MED12L: variants seen among roughly 807,000 people sequenced by gnomAD.
MED12L encodes the protein mediator of RNA polymerase II transcription subunit 12-like protein.
Under a neutral mutation model 281.3 loss-of-function variants are expected in MED12L, and 60 were observed. The observed-to-expected ratio is 0.21, with a 90% CI of 0.17 to 0.26. The LOEUF is 0.26. Among genes scored for constraint, MED12L ranks in the 10% least tolerant of loss-of-function variants. The probability of loss-of-function intolerance (pLI) is 1.00; values close to 1 mark genes in which losing one functional copy is unlikely to be tolerated. For missense variants in MED12L, 2,146 were observed against 2,680.9 expected (o/e 0.80, Z 4.41); for synonymous variants, 974 against 987.2 (o/e 0.99, Z 0.25).
In MED12L at chr3:151,188,381, G is replaced by T; in HGVS notation, c.1654G>T (p.Glu552Ter). ...ATGTGGTGAATCAGAAGTCTTAGAT[G>T]AGAAGGAGTCTATTTCTTCATCCTC... ...ERCGESEVLD[E>*]KESISSSSLA... The change falls in exon 13 of 45, where the codon GAG becomes TAG. Residue 552 changes from glutamate to a stop codon, truncating the protein, a stop_gained. Transcript: ENST00000687756. LOFTEE classifies it high-confidence loss of function. The T allele has an allele frequency of 6.2e-7, 1 of 1,608,438 alleles. No homozygotes were observed. Among genetic ancestry groups the T allele is most frequent in the South Asian group, 1.1e-5 (1 of 90,912 alleles).
intron 28 of MED12L, 108 bp downstream of exon 28, chr3:151,376,322 T>G (rs1364547917): frequency 1.1e-5 from 10 of 886,068 alleles, no homozygotes; most frequent in African/African-American, 1.8e-5. Flanking sequence ...ATTTCAATTC[T>G]GATTTTTATT....
chr3:151,374,292 A>G (rs1482035423), intron 27 of MED12L, among the ~76,000 whole-genome samples: 2 of 152,240 alleles, frequency 1.3e-5, no homozygotes, highest in Non-Finnish European at 2.9e-5. Context: ...TCAAGCCTGT[A>G]ATCCCAGCAC....
chr3:151,357,483 G>A (rs2150060793), intron 20 of MED12L, 107 bp downstream of exon 20: 4 of 973,772 alleles, frequency 4.1e-6, no homozygotes, highest in Non-Finnish European at 5.8e-6. Flanking sequence ...ACCTGTTTTA[G>A]TTAAAACATG....
chr3:151,107,397 T>C (rs78255944), intron 2 of MED12L, among the ~76,000 whole-genome samples: 1 of 152,274 alleles, frequency 6.6e-6, no homozygotes, highest in East Asian at 1.9e-4. Flanking sequence ...AAGCCACTGT[T>C]ATGTGCTTTC....
At chr3:151,149,870 A>G (rs1327446677) in intron 5 of MED12L, among the ~76,000 whole-genome samples, 1 of 152,186 alleles carries the variant, frequency 6.6e-6, no homozygotes, top group African/African-American at 2.4e-5. Context: ...GCAACTCTTC[A>G]TGCTTAATTT....
chr3:151,251,530 A>G (rs959343428), intron 16 of MED12L, among the ~76,000 whole-genome samples: 7 of 152,154 alleles, frequency 4.6e-5, no homozygotes, highest in African/African-American at 1.7e-4. Context: ...CTAAAATACA[A>G]GCAGCACTGT....
intron 11 of MED12L, among the ~76,000 whole-genome samples, chr3:151,177,393 A>G (rs912870738): frequency 1.7e-4 from 26 of 152,216 alleles, no homozygotes; most frequent in African/African-American, 6.3e-4. Context: ...TTCTGTGCCC[A>G]TGACCATCTT....
chr3:151,335,313 CT>C (rs1362693919), intron 16 of MED12L, among the ~76,000 whole-genome samples: 4 of 152,176 alleles, frequency 2.6e-5, no homozygotes, highest in African/African-American at 4.8e-5. Context: ...TCATTCTACT[CT>C]CATAAATATG....
rs571048087 is a variant in MED12L at position 151,267,826 on chromosome 3, C to T, written c.2250+74160C>T. Among the ~76,000 whole-genome samples the T allele has an allele frequency of 9.8e-4, 149 of 152,230 alleles. 2 individuals are homozygous for T. The Middle Eastern group carries it at 0.02, about 21-fold the overall frequency. On this transcript the variant is annotated intron_variant, in intron 16 of 44. Transcript: ENST00000687756. ...AAAGGAACCTTGCTAAAACATGGAG[C>T]ATGTTTTGGCTGAATAATATCAAGG...
intron 16 of MED12L, among the ~76,000 whole-genome samples, chr3:151,240,049 T>TTG (rs1553754052): frequency 2.6e-5 from 4 of 151,518 alleles, no homozygotes; most frequent in South Asian, 2.1e-4. Flanking sequence ...TTTTTTTTTT[T>TTG]TGTGTGTGTG....
chr3:151,309,448 G>A (rs372887004), intron 16 of MED12L, among the ~76,000 whole-genome samples: 1 of 152,156 alleles, frequency 6.6e-6, no homozygotes, highest in African/African-American at 2.4e-5. Flanking sequence ...TACAACTCAG[G>A]CTCCTCTGCA....
chr3:151,323,520 A>G (rs958440367), intron 16 of MED12L, among the ~76,000 whole-genome samples: 2 of 152,208 alleles, frequency 1.3e-5, no homozygotes, highest in Admixed American at 6.5e-5. Flanking sequence ...ACCACAGCAC[A>G]GTTCCACCCC....
chr3:151,264,074 C>G (rs769494017), intron 16 of MED12L, among the ~76,000 whole-genome samples: 3 of 152,174 alleles, frequency 2.0e-5, no homozygotes, highest in Admixed American at 6.5e-5. Context: ...TTGAGTAGTT[C>G]TACTTCATTT....
intron 11 of MED12L, among the ~76,000 whole-genome samples, chr3:151,167,091 CT>C (rs1166374307): frequency 6.6e-6 from 1 of 152,138 alleles, no homozygotes; most frequent in African/African-American, 2.4e-5. Flanking sequence ...TTAAAAAAAT[CT>C]TTTTAGCAAC....
chr3:151,093,023 G>A (rs921272580), intron 2 of MED12L, among the ~76,000 whole-genome samples: 1 of 152,202 alleles, frequency 6.6e-6, no homozygotes, highest in Non-Finnish European at 1.5e-5. Context: ...CTCTGCAGCC[G>A]AATGTGAAAG....
intron 41 of MED12L, among the ~76,000 whole-genome samples, chr3:151,412,742 GCT>G: frequency 6.6e-6 from 1 of 152,192 alleles, no homozygotes; most frequent in South Asian, 2.1e-4. Flanking sequence ...GTTACCTCTA[GCT>G]CTGTTTTTTC....
chr3:151,398,989 A>G (rs1207414044), intron 39 of MED12L, among the ~76,000 whole-genome samples: 3 of 149,834 alleles, frequency 2.0e-5, no homozygotes, highest in Admixed American at 6.7e-5. Flanking sequence ...TTCGGACTGC[A>G]GTTTTCTGCA....
intron 16 of MED12L, among the ~76,000 whole-genome samples, chr3:151,270,338 C>T (rs1457169357): frequency 6.6e-6 from 1 of 151,628 alleles, no homozygotes; most frequent in Non-Finnish European, 1.5e-5. Context: ...GAGCAGAATA[C>T]AATGGGAAAA....
chr3:151,315,268 A>T (rs1748081993), intron 16 of MED12L, among the ~76,000 whole-genome samples: 1 of 152,200 alleles, frequency 6.6e-6, no homozygotes, highest in Non-Finnish European at 1.5e-5. Flanking sequence ...AAATGCCAAG[A>T]TATTAAGGAA....
Sources: allele counts gnomAD v4.1 joint callset (sites outside exome capture counted in the v4.1 genomes callset), GRCh38; gene constraint gnomAD v4.1.1; transcripts MANE v1.5; gene names NCBI Gene and HGNC (gene_info 2026-07-23, HGNC 2026-07-21).